KCNIP4: variants seen among roughly 807,000 people sequenced by gnomAD.
KCNIP4 encodes Kv channel-interacting protein 4.
Under a neutral mutation model 34.0 loss-of-function variants are expected in KCNIP4, and 12 were observed. That is an observed-to-expected ratio of 0.35 (90% CI 0.23 to 0.57). KCNIP4 has a LOEUF of 0.57. Among genes scored for constraint, KCNIP4 ranks in the 20% least tolerant of loss-of-function variants. KCNIP4 has a pLI of 0.83. For missense variants in KCNIP4, 238 were observed against 311.7 expected (o/e 0.76, Z 1.78); for synonymous variants, 124 against 102.2 (o/e 1.21, Z -1.29).
intron 1 of KCNIP4, among the ~76,000 whole-genome samples, chr4:21,296,097 G>C (rs1404168338): frequency 6.6e-6 from 1 of 152,138 alleles, no homozygotes. Context: ...TGGCACTTGG[G>C]AGTTCTCAAT....
intron 1 of KCNIP4, 29 bp from the exon 2 acceptor site, chr4:20,882,738 T>C (rs1364346469): frequency 1.9e-6 from 3 of 1,559,250 alleles, no homozygotes; most frequent in East Asian, 2.2e-5. Flanking sequence ...GTTCTGTTAA[T>C]GCTGTCTGCA....
chr4:21,282,957 G>T (rs906280463), intron 1 of KCNIP4, among the ~76,000 whole-genome samples: 2 of 152,130 alleles, frequency 1.3e-5, no homozygotes, highest in Admixed American at 6.5e-5. Context: ...CTGCTGAATG[G>T]TTAAACACGT....
intron 1 of KCNIP4, among the ~76,000 whole-genome samples, chr4:20,937,220 G>GTTTTTTTTT (rs1157766416): frequency 9.5e-6 from 1 of 105,142 alleles, no homozygotes; most frequent in Non-Finnish European, 1.9e-5. Flanking sequence ...CCCCCAAGGA[G>GTTTTTTTTT]TCTTTTTTTT....
intron 1 of KCNIP4, among the ~76,000 whole-genome samples, chr4:21,008,249 C>T (rs1245289742): frequency 6.6e-6 from 1 of 152,132 alleles, no homozygotes; most frequent in African/African-American, 2.4e-5. Flanking sequence ...TCAAGATTTG[C>T]TACCAAACCG....
rs568617366 is a variant in KCNIP4 at position 21,274,694 on chromosome 4, T to C, written c.62-391985A>G. 2.6e-5 allele frequency among the ~76,000 whole-genome samples: 4 copies of C among 152,290 alleles called. No homozygotes were observed. The South Asian group carries it at 6.2e-4, about 24-fold the overall frequency. Reference sequence around the variant, plus strand: ...TACATCTATTCTCTTAAAGTACAAATTTCCAACATCTGCAGAACTCAAGAG... The same window carrying C: ...TACATCTATTCTCTTAAAGTACAAACTTCCAACATCTGCAGAACTCAAGAG... On this transcript the variant is annotated intron_variant, in intron 1 of 8. Transcript: ENST00000382152.
chr4:21,344,924 T>G (rs1420854956), intron 1 of KCNIP4, among the ~76,000 whole-genome samples: 1 of 152,120 alleles, frequency 6.6e-6, no homozygotes, highest in African/African-American at 2.4e-5. Context: ...TGACAGAAAG[T>G]TCTGGTGTCC....
intron 8 of KCNIP4, chr4:20,731,260 G>C (rs550574818): frequency 1.4e-5 from 5 of 351,600 alleles, no homozygotes; most frequent in Non-Finnish European, 2.0e-5. Context: ...TGTAGAGATA[G>C]ATAGGGTCTT....
chr4:21,789,808 T>C (rs941205672), intron 1 of KCNIP4, among the ~76,000 whole-genome samples: 1 of 152,196 alleles, frequency 6.6e-6, no homozygotes, highest in African/African-American at 2.4e-5. Flanking sequence ...CCTTATGTTA[T>C]TCCTTCTAGT....
At chr4:21,415,120 C>T (rs948495169) in intron 1 of KCNIP4, among the ~76,000 whole-genome samples, 1 of 152,102 alleles carries the variant, frequency 6.6e-6, no homozygotes, top group African/African-American at 2.4e-5. Flanking sequence ...CTACCCTTCC[C>T]AGCCTCTGGT....
chr4:21,755,249 T>C (rs1717426352), intron 1 of KCNIP4, among the ~76,000 whole-genome samples: 1 of 152,148 alleles, frequency 6.6e-6, no homozygotes. Flanking sequence ...TCAACTTTCA[T>C]ATCTATAAGG....
chr4:20,759,077 A>G (rs1280010801), intron 3 of KCNIP4, among the ~76,000 whole-genome samples, 187 bp from the exon 4 acceptor site: 7 of 152,340 alleles, frequency 4.6e-5, no homozygotes, highest in African/African-American at 1.4e-4. Context: ...ACAAGAAAAA[A>G]AAACGTAGAT....
intron 1 of KCNIP4, among the ~76,000 whole-genome samples, chr4:21,416,849 T>C (rs1724989968): frequency 6.6e-6 from 1 of 152,158 alleles, no homozygotes; most frequent in South Asian, 2.1e-4. Context: ...TTCCACTTGT[T>C]CAGGACTCAG....
At chr4:21,210,057 G>A (rs949449300) in intron 1 of KCNIP4, among the ~76,000 whole-genome samples, 5 of 152,122 alleles carry the variant, frequency 3.3e-5, no homozygotes, top group African/African-American at 1.2e-4. Context: ...TGACACCACG[G>A]TGATTTAACA....
At chr4:20,810,966 G>A (rs142821075) in intron 3 of KCNIP4, among the ~76,000 whole-genome samples, 104 of 152,184 alleles carry the variant, frequency 6.8e-4, no homozygotes, top group African/African-American at 2.1e-3. Flanking sequence ...TACATATGAC[G>A]TGGACAAAGG....
At chr4:21,523,835 A>G (rs1314001878) in intron 1 of KCNIP4, among the ~76,000 whole-genome samples, 2 of 152,064 alleles carry the variant, frequency 1.3e-5, no homozygotes, top group East Asian at 3.9e-4. Context: ...AGCCTCCCAA[A>G]GTGCTAAGAT....
chr4:21,073,257 A>G (rs541215200), intron 1 of KCNIP4, among the ~76,000 whole-genome samples: 2 of 152,098 alleles, frequency 1.3e-5, no homozygotes, highest in Non-Finnish European at 2.9e-5. Flanking sequence ...TTTTCATGAT[A>G]TTGATTCTTC....
chr4:21,475,094 T>C (rs1003844104), intron 1 of KCNIP4, among the ~76,000 whole-genome samples: 8 of 152,196 alleles, frequency 5.3e-5, no homozygotes, highest in South Asian at 4.1e-4. Context: ...GCCTACCTTA[T>C]ATTCTTTACA....
At chr4:21,472,234 G>A (rs1160008399) in intron 1 of KCNIP4, among the ~76,000 whole-genome samples, 2 of 152,020 alleles carry the variant, frequency 1.3e-5, no homozygotes, top group African/African-American at 2.4e-5. Flanking sequence ...CACATTTAGG[G>A]TGGAGCAGAT....
chr4:21,266,838 C>A (rs531161508), intron 1 of KCNIP4, among the ~76,000 whole-genome samples: 1 of 152,234 alleles, frequency 6.6e-6, no homozygotes, highest in East Asian at 1.9e-4. Flanking sequence ...GAGAGTGATG[C>A]AATCATAATT....
Sources: allele counts gnomAD v4.1 joint callset (sites outside exome capture counted in the v4.1 genomes callset), GRCh38; gene constraint gnomAD v4.1.1; transcripts MANE v1.5; gene names NCBI Gene and HGNC (gene_info 2026-07-23, HGNC 2026-07-21).